PCDH15: variants seen among roughly 807,000 people sequenced by gnomAD.
PCDH15 encodes the protein protocadherin-15.
PCDH15 carries 129 observed loss-of-function variants against 178.5 expected under a neutral mutation model. The ratio of observed to expected loss-of-function variants is 0.72; its 90% CI spans 0.63 to 0.84. PCDH15 has a LOEUF of 0.84. Among genes scored for constraint, PCDH15 ranks in the 40% least tolerant of loss-of-function variants. The pLI, the probability that PCDH15 is intolerant of heterozygous loss-of-function variation, is 0.00. For missense variants in PCDH15, 2,230 were observed against 2,099.9 expected, an observed-to-expected ratio of 1.06 and a Z score of -1.21; for synonymous variants, 800 against 732.0, an observed-to-expected ratio of 1.09 and a Z score of -1.50.
chr10:54,238,627 G>A (rs917526878), intron 8 of PCDH15, among the ~76,000 whole-genome samples: 9 of 147,524 alleles, frequency 6.1e-5, no homozygotes, highest in Non-Finnish European at 9.0e-5. Context: ...TTCTTAAAAC[G>A]CAACTCTCAC....
At chr10:55,039,986 A>G (rs1254780401) in intron 2 of PCDH15, among the ~76,000 whole-genome samples, 3 of 152,136 alleles carry the variant, frequency 2.0e-5, no homozygotes, top group Non-Finnish European at 4.4e-5. Flanking sequence ...GTAATGGAAC[A>G]TTCATCCATA....
intron 2 of PCDH15, among the ~76,000 whole-genome samples, chr10:55,345,163 A>C (rs1355981042): frequency 1.8e-4 from 27 of 151,756 alleles, no homozygotes; most frequent in Non-Finnish European, 2.8e-4. Flanking sequence ...CTCTCTATAT[A>C]TATATATATG....
At chr10:54,839,837 G>T (rs963238381) in intron 3 of PCDH15, among the ~76,000 whole-genome samples, 1 of 151,936 alleles carries the variant, frequency 6.6e-6, no homozygotes, top group Non-Finnish European at 1.5e-5. Context: ...AGCCTTGCAG[G>T]TCATGAAAGA....
intron 1 of PCDH15, among the ~76,000 whole-genome samples, chr10:54,665,223 A>C (rs1360932): frequency 6.6e-6 from 1 of 151,532 alleles, no homozygotes; most frequent in African/African-American, 2.4e-5. Context: ...AAGGTTTTCT[A>C]AAGAGACCAG....
intron 2 of PCDH15, among the ~76,000 whole-genome samples, chr10:54,984,872 C>T (rs1839325620): frequency 6.6e-6 from 1 of 152,158 alleles, no homozygotes; most frequent in Admixed American, 6.5e-5. Flanking sequence ...TTCCCTGAGT[C>T]CTTTGGTCTC....
intron 7 of PCDH15, among the ~76,000 whole-genome samples, chr10:54,318,070 C>T (rs536077285): frequency 1.3e-5 from 2 of 152,148 alleles, no homozygotes; most frequent in African/African-American, 2.4e-5. Flanking sequence ...TCCTTCTCTG[C>T]GCCTCTGAGG....
At position 54,469,557 on chromosome 10, in the gene PCDH15, ATCAGGTGGG is replaced by A. The variant is rs1453949525; in HGVS notation, c.157+58246_157+58254del. 2.5e-3 allele frequency among the ~76,000 whole-genome samples: 380 copies of A among 150,372 alleles called. 1 individual carries two copies. The highest frequency in any genetic ancestry group is 9.0e-3 in the African/African-American group (357 of 39,770). ...GTGAAGTCTTGCTGGGGACAGGGCC[ATCAGGTGGG>A]CCAGTCTTTGGCCCCCATTGGCGGC... On this transcript the variant is annotated intron_variant, in intron 3 of 37. Coordinates refer to ENST00000644397, the MANE Select transcript of PCDH15 (RefSeq NM_001384140.1).
rs1372865310 is a variant in PCDH15 at position 55,547,928 on chromosome 10, A to T, written c.-156+79697T>A. Among the ~76,000 whole-genome samples the T allele has an allele frequency of 1.9e-4, 28 of 148,068 alleles. 1 individual carries two copies. The highest frequency in any genetic ancestry group is 5.2e-4 in the African/African-American group (21 of 40,188). Reference sequence around the variant, plus strand: ...GTGTGTGTGAGAGAGAGAGAGAGAGAGAGAGAGAGAGAGAGAGAGAGAGAC... The same window carrying T: ...GTGTGTGTGAGAGAGAGAGAGAGAGTGAGAGAGAGAGAGAGAGAGAGAGAC... On this transcript the variant is annotated intron_variant, in intron 2 of 5. Transcript: ENST00000613346.
chr10:55,542,375 T>C (rs915696616), intron 2 of PCDH15, among the ~76,000 whole-genome samples: 22 of 151,038 alleles, frequency 1.5e-4, no homozygotes, highest in Non-Finnish European at 2.5e-4. Context: ...TATAAATGTG[T>C]CTATATATAG....
At chr10:55,256,596 G>A (rs1451279038) in intron 1 of PCDH15, among the ~76,000 whole-genome samples, 1 of 152,194 alleles carries the variant, frequency 6.6e-6, no homozygotes, top group Non-Finnish European at 1.5e-5. Context: ...CTGGCTCGGA[G>A]GGTCCCATGC....
intron 3 of PCDH15, among the ~76,000 whole-genome samples, chr10:54,814,127 T>C (rs974190618): frequency 1.3e-5 from 2 of 152,214 alleles, no homozygotes; most frequent in African/African-American, 4.8e-5. Flanking sequence ...TTAAACTTTA[T>C]ATTATAAGCA....
intron 4 of PCDH15, among the ~76,000 whole-genome samples, chr10:54,372,831 T>C (rs1384222463): frequency 1.3e-5 from 2 of 151,914 alleles, no homozygotes; most frequent in African/African-American, 4.8e-5. Flanking sequence ...AATGAGTGCT[T>C]AACACAATAC....
intron 15 of PCDH15, among the ~76,000 whole-genome samples, chr10:54,106,775 G>A (rs1030926379): frequency 6.6e-6 from 1 of 152,150 alleles, no homozygotes; most frequent in East Asian, 1.9e-4. Flanking sequence ...ATATGATGCT[G>A]TTTGGTGTTT....
At chr10:55,001,297 G>A (rs878863401) in intron 2 of PCDH15, among the ~76,000 whole-genome samples, 34 of 152,112 alleles carry the variant, frequency 2.2e-4, no homozygotes, top group African/African-American at 6.3e-4. Context: ...TCCCGGATGC[G>A]GGACAAGAAC....
chr10:55,451,403 C>A lies in PCDH15; in HGVS notation c.-156+176222G>T, dbSNP rs567577070. 1.5e-3 allele frequency among the ~76,000 whole-genome samples: 226 copies of A among 152,092 alleles called. 2 individuals carry two copies. Among genetic ancestry groups the A allele is most frequent in the African/African-American group, 5.2e-3 (217 of 41,482 alleles). The stretch of plus-strand genomic sequence containing the variant: ...GTCCAAGCTACTCGGGAACCTGAGG[C>A]AGGAGAATCCCTTGAACCTGGGAGG... On this transcript the variant is annotated intron_variant, in intron 2 of 5. Transcript: ENST00000613346.
intron 1 of PCDH15, among the ~76,000 whole-genome samples, chr10:54,794,301 G>T (rs1051323250): frequency 4.0e-5 from 6 of 151,266 alleles, no homozygotes; most frequent in African/African-American, 7.3e-5. Context: ...AGTTATTTGA[G>T]AAAATCTTAT....
chr10:55,305,367 A>G (rs1843394216), intron 1 of PCDH15, among the ~76,000 whole-genome samples: 1 of 152,236 alleles, frequency 6.6e-6, no homozygotes, highest in Admixed American at 6.5e-5. Context: ...AAATGTTTCA[A>G]TATCACAACA....
intron 1 of PCDH15, among the ~76,000 whole-genome samples, chr10:54,684,920 A>C (rs1322265707): frequency 1.3e-5 from 2 of 151,962 alleles, no homozygotes; most frequent in East Asian, 3.8e-4. Context: ...TTTTTAATAA[A>C]ATTTTTAATT....
At chr10:54,190,444 T>G (rs1189635514) in intron 11 of PCDH15, among the ~76,000 whole-genome samples, 1 of 152,184 alleles carries the variant, frequency 6.6e-6, no homozygotes. Context: ...CAATTTGTCA[T>G]CTAGCCTGCA....
Sources: allele counts gnomAD v4.1 joint callset (sites outside exome capture counted in the v4.1 genomes callset), GRCh38; gene constraint gnomAD v4.1.1; transcripts MANE v1.5; gene names NCBI Gene and HGNC (gene_info 2026-07-23, HGNC 2026-07-21).